The following PREX1 variants were observed in gnomAD, a reference collection of about 807,000 sequenced individuals.
PREX1 encodes phosphatidylinositol 3,4,5-trisphosphate-dependent Rac exchanger 1 protein.
PREX1 carries 41 observed loss-of-function variants against 198.3 expected under a neutral mutation model. That is an observed-to-expected ratio of 0.21 (90% CI 0.16 to 0.27). The LOEUF (loss-of-function observed/expected upper bound fraction) is 0.27. PREX1 is among the 10% of genes least tolerant of loss of function. PREX1 has a pLI of 1.00. For synonymous variants in PREX1, 843 were observed against 887.2 expected (o/e 0.95, Z 0.89); for missense variants, 1,620 against 2,200.7 (o/e 0.74, Z 5.28).
intron 1 of PREX1, among the ~76,000 whole-genome samples, chr20:48,798,753 G>A (rs962725407): frequency 1.3e-5 from 2 of 152,158 alleles, no homozygotes; most frequent in Non-Finnish European, 1.5e-5. Flanking sequence ...CATGCAGTAG[G>A]TGCTCAACAA....
At chr20:48,810,098 A>T (rs1298764671) in intron 1 of PREX1, among the ~76,000 whole-genome samples, 1 of 152,210 alleles carries the variant, frequency 6.6e-6, no homozygotes, top group East Asian at 1.9e-4. Context: ...AGCAATGACT[A>T]TTGTATCCTT....
At chr20:48,800,310 C>A (rs1365686225) in intron 1 of PREX1, among the ~76,000 whole-genome samples, 2 of 152,140 alleles carry the variant, frequency 1.3e-5, no homozygotes, top group Non-Finnish European at 2.9e-5. Flanking sequence ...AGTAGGGCGA[C>A]CAACAGCCCC....
chr20:48,753,884 T>G (rs1228177603), intron 1 of PREX1, among the ~76,000 whole-genome samples: 3 of 152,214 alleles, frequency 2.0e-5, no homozygotes, highest in Non-Finnish European at 4.4e-5. Flanking sequence ...CTGTTACCCT[T>G]CACAGACGTC....
intron 1 of PREX1, among the ~76,000 whole-genome samples, chr20:48,753,607 C>A (rs2090143540): frequency 6.6e-6 from 1 of 152,110 alleles, no homozygotes; most frequent in African/African-American, 2.4e-5. Context: ...CTAATTAAAA[C>A]CTAGAAAAAA....
chr20:48,657,506 C>A (rs781358055), intron 17 of PREX1, among the ~76,000 whole-genome samples: 29 of 152,220 alleles, frequency 1.9e-4, no homozygotes, highest in Non-Finnish European at 3.7e-4. Flanking sequence ...CTGTTAGGGC[C>A]TGGCGAAGAA....
At position 48,810,069 on chromosome 20, in the gene PREX1, T is replaced by C. The variant is rs1277476332; in HGVS notation, c.219+17573A>G. On this transcript the variant is annotated intron_variant, in intron 1 of 39. Coordinates refer to ENST00000371941, the MANE Select transcript of PREX1 (RefSeq NM_020820.4). ...GCTGGGCAGGTAACAGGGAATGCTG[T>C]GCGCGGCTCCTTAGTAAAAGCAATG... 7.9e-5 allele frequency among the ~76,000 whole-genome samples: 12 copies of C among 152,326 alleles called. No homozygotes were observed. In the South Asian group the frequency reaches 1.2e-3, roughly 16 times the overall value.
intron 31 of PREX1, 96 bp downstream of exon 31, chr20:48,637,615 G>T: frequency 1.6e-6 from 2 of 1,269,406 alleles, no homozygotes; most frequent in Non-Finnish European, 2.1e-6. Context: ...CCAAAGCGTT[G>T]CCTCCCCCCG....
At chr20:48,719,362 A>G (rs559814485) in intron 5 of PREX1, among the ~76,000 whole-genome samples, 1 of 152,310 alleles carries the variant, frequency 6.6e-6, no homozygotes, top group African/African-American at 2.4e-5. Flanking sequence ...CACACAGGAA[A>G]GAGCCTAAGC....
chr20:48,716,710 C>T (rs759317876), intron 5 of PREX1, among the ~76,000 whole-genome samples: 28 of 152,220 alleles, frequency 1.8e-4, no homozygotes, highest in Non-Finnish European at 2.8e-4. Context: ...CTTCCATCCT[C>T]CCAGCCACAC....
intron 1 of PREX1, among the ~76,000 whole-genome samples, chr20:48,752,473 C>A (rs1224447895): frequency 1.3e-5 from 2 of 152,214 alleles, no homozygotes; most frequent in Non-Finnish European, 2.9e-5. Flanking sequence ...CCAGCACCTG[C>A]ATCTCTTGGC....
Position 48,649,989 on chromosome 20 carries a change from C to G in PREX1, c.3028+7G>C. 6.2e-7 allele frequency: 1 copy of G among 1,613,394 alleles called. No individual in the cohort carries two copies. The highest frequency in any genetic ancestry group is 1.6e-4 in the Middle Eastern group (1 of 6,062). ...GAACACAGTTTCTAATAGACACACA[C>G]AGGTACCTTGCTCCGGGTCAAGGCC... On this transcript the variant is annotated splice_region_variant and intron_variant, in intron 24 of 39. Transcript: ENST00000371941.
intron 1 of PREX1, among the ~76,000 whole-genome samples, chr20:48,822,552 T>C (rs897463435): frequency 6.6e-6 from 1 of 152,256 alleles, no homozygotes; most frequent in African/African-American, 2.4e-5. Context: ...TAGCAAATTG[T>C]TACCATTATT....
At chr20:48,819,003 A>G (rs1233414248) in intron 1 of PREX1, among the ~76,000 whole-genome samples, 2 of 152,240 alleles carry the variant, frequency 1.3e-5, no homozygotes, top group Non-Finnish European at 2.9e-5. Flanking sequence ...AAGAGAGGAC[A>G]GAACCAGCCG....
chr20:48,836,933 C>T, the PREX1 span, among the ~76,000 whole-genome samples: 2 of 149,034 alleles, frequency 1.3e-5, no homozygotes, highest in East Asian at 3.9e-4. Context: ...AAAAGAACCT[C>T]GCTCTGCCAG....
At chr20:48,872,866 C>A in the PREX1 span, among the ~76,000 whole-genome samples, 1 of 152,196 alleles carries the variant, frequency 6.6e-6, no homozygotes, top group Non-Finnish European at 1.5e-5. Flanking sequence ...TGAGTCAGCC[C>A]TTTCAGGAGG....
At chr20:48,742,464 A>C (rs959048775) in intron 3 of PREX1, among the ~76,000 whole-genome samples, 3 of 152,172 alleles carry the variant, frequency 2.0e-5, no homozygotes, top group Non-Finnish European at 4.4e-5. Context: ...AGAGCAAGGA[A>C]GTAGCAGAGC....
intron 1 of PREX1, among the ~76,000 whole-genome samples, chr20:48,799,494 G>A (rs1308809849): frequency 3.9e-5 from 6 of 152,202 alleles, no homozygotes; most frequent in Non-Finnish European, 8.8e-5. Context: ...GAGCAGCGCG[G>A]TCTATCACCC....
Position 48,742,513 on chromosome 20 carries a change from G to A in PREX1, c.414+2512C>T, listed in dbSNP as rs1011905171. Reference sequence around the variant, plus strand: ...CGAGCAGCTGGGCTCTAAAATGCTTGATCTCCCAGGCCCAGGGAGGATGCC... The same window carrying A: ...CGAGCAGCTGGGCTCTAAAATGCTTAATCTCCCAGGCCCAGGGAGGATGCC... On this transcript the variant is annotated intron_variant, in intron 3 of 39. Transcript: ENST00000371941. Among the ~76,000 whole-genome samples, 3 of 152,086 alleles carry A rather than the reference G, an allele frequency of 2.0e-5. No homozygotes were observed. In the South Asian group the frequency reaches 6.2e-4, roughly 32 times the overall value.
intron 1 of PREX1, among the ~76,000 whole-genome samples, chr20:48,775,748 T>C (rs991554746): frequency 2.6e-5 from 4 of 152,128 alleles, no homozygotes; most frequent in Admixed American, 6.5e-5. Context: ...AGCTCTCTCT[T>C]TGCCTGCCGC....
Sources: gnomAD v4.1 joint callset for allele counts (sites outside exome capture counted in the v4.1 genomes callset) on GRCh38, gnomAD v4.1.1 for gene constraint, MANE v1.5 for transcripts, NCBI Gene and HGNC (gene_info 2026-07-23, HGNC 2026-07-21) for gene names.